Variants in OR2Z1 observed in about 807,000 individuals in gnomAD.
The protein encoded by OR2Z1 is olfactory receptor family 2 subfamily Z member 1.
For synonymous variants in OR2Z1, 188 were observed against 160.6 expected, an observed-to-expected ratio of 1.17 and a Z score of -1.29; for missense variants, 449 against 401.8, an observed-to-expected ratio of 1.12 and a Z score of -1.00.
chr19:8,722,138 A>G (rs2043310201), intron 1 of OR2Z1, 96 bp downstream of exon 1: 1 of 152,082 alleles, frequency 6.6e-6, no homozygotes, highest in African/African-American at 2.4e-5. Flanking sequence ...ACAACTATTT[A>G]CTGAGCAGGC....
chr19:8,731,782 T>A lies in OR2Z1; in HGVS notation c.754T>A (p.Tyr252Asn). The change falls in exon 3 of 3, where the codon TAT (tyrosine) becomes AAT (asparagine). Residue 252 changes from tyrosine to asparagine, a missense_variant. Physicochemically the swap from Tyr to Asn is moderately radical, Grantham distance 143 (BLOSUM62 -2). Coordinates refer to ENST00000641125, the MANE Select transcript of OR2Z1 (RefSeq NM_001004699.3). ...SSHITVVGLF[Y>N]GAAVFMYMVP... ...GCACATCACGGTAGTGGGGCTCTTTTATGGTGCCGCCGTGTTCATGTACAT... is the reference window on the plus strand; with the variant it reads ...GCACATCACGGTAGTGGGGCTCTTTAATGGTGCCGCCGTGTTCATGTACAT... 1.9e-6 allele frequency: 3 copies of A among 1,614,226 alleles called. No individual in the cohort carries two copies. The highest frequency in any genetic ancestry group is 2.5e-6 in the Non-Finnish European group (3 of 1,180,044).
rs2043352094 is a variant in OR2Z1 at position 8,731,199 on chromosome 19, AC to A, written c.174del (p.Met59CysfsTer48). The A allele has an allele frequency of 6.2e-7, 1 of 1,613,986 alleles. No individual in the cohort carries two copies. The highest frequency in any genetic ancestry group is 8.5e-7 in the Non-Finnish European group (1 of 1,179,992). On this transcript the variant is annotated frameshift_variant, in exon 3 of 3. Coordinates refer to ENST00000641125, the MANE Select transcript of OR2Z1 (RefSeq NM_001004699.3). LOFTEE classifies it low-confidence loss of function (END_TRUNC). ...TCCGTGTGGACTCCCGGCTCCACAC[AC>A]CCATGTACTTCCTGCTCAGCCAGCT... ...LIRVDSRLHT[P>X]MYFLLSQLSL...
rs553817526 is a variant in OR2Z1 at position 8,727,588 on chromosome 19, C to T, written c.-169-3272C>T. On this transcript the variant is annotated intron_variant, in intron 2 of 2. Transcript: ENST00000641125. The stretch of plus-strand genomic sequence containing the variant: ...TAAAAAAAAACAACTCAGTTGAGGA[C>T]GGGCACAGTGGCTCACGCCTGTAAT... 1.6e-4 allele frequency among the ~76,000 whole-genome samples: 25 copies of T among 152,268 alleles called. No individual in the cohort carries two copies. In the South Asian group the frequency reaches 2.9e-3, roughly 18 times the overall value.
chr19:8,727,572 AC>A (rs1317097045), intron 2 of OR2Z1, among the ~76,000 whole-genome samples: 15 of 152,188 alleles, frequency 9.9e-5, no homozygotes, highest in South Asian at 4.1e-4. Flanking sequence ...ATAAAAAAAA[AC>A]AACTCAGTTG....
chr19:8,731,404 G>T lies in OR2Z1; in HGVS notation c.376G>T (p.Val126Leu). 1 of 1,614,140 alleles carries T rather than the reference G, an allele frequency of 6.2e-7. No homozygotes were observed. Among genetic ancestry groups the T allele is most frequent in the African/African-American group, 1.3e-5 (1 of 75,012 alleles). Residue 126 changes from valine (V) to leucine (L), a missense_variant, in exon 3 of 3, where the codon GTG (valine) becomes TTG (leucine). Val to Leu is a conservative substitution (Grantham distance 32). Transcript: ENST00000641125. ...VLMSYDRYVAVCQPLQYPVLM... is the reference protein window; with the variant it reads ...VLMSYDRYVALCQPLQYPVLM... ...CATGTCTTATGACCGTTATGTTGCT[G>T]TGTGCCAGCCCCTGCAGTATCCTGT...
rs781985487 is a variant in OR2Z1 at position 8,731,481 on chromosome 19, A to G, written c.453A>G (p.Val151=). Residue 151 remains valine, a synonymous_variant, in exon 3 of 3, where the codon GTA becomes GTG. Transcript: ENST00000641125. ...TGATGATGGGCTCCTCCTGGGTGGT[A>G]GGTGTGCTCAACGCCTCCATCCAGA... ...CLLMMGSSWV[V]GVLNASIQTS... The G allele has an allele frequency of 7.4e-6, 12 of 1,613,960 alleles. No homozygotes were observed. In the Admixed American group the frequency reaches 2.0e-4, roughly 27 times the overall value.
Position 8,731,237 on chromosome 19 carries a change from A to T in OR2Z1, c.209A>T (p.Asp70Val). The T allele has an allele frequency of 6.2e-7, 1 of 1,614,070 alleles. No individual in the cohort carries two copies. The highest frequency in any genetic ancestry group is 8.5e-7 in the Non-Finnish European group (1 of 1,180,008). The stretch of plus-strand genomic sequence containing the variant: ...CTGCTCAGCCAGCTCTCCCTGTTTG[A>T]CATTGGCTGTCCCATGGTCACCATC... ...YFLLSQLSLF[D>V]IGCPMVTIPK... is the part of the protein sequence containing the mutation. The change falls in exon 3 of 3, where the codon GAC becomes GTC. Residue 70 changes from aspartate to valine, a missense_variant. By Grantham distance (152) the Asp-to-Val change is radical. Transcript: ENST00000641125.
rs1599211149 is a variant in OR2Z1, at chr19:8,731,456, T to G, written c.428T>G (p.Leu143Arg). Residue 143 changes from leucine to arginine, a missense_variant, in exon 3 of 3, where the codon CTG (leucine) becomes CGG (arginine). Coordinates refer to ENST00000641125, the MANE Select transcript of OR2Z1 (RefSeq NM_001004699.3). ...PVLMRRQVCL[L>R]MMGSSWVVGV... ...CTTATGAGACGCCAGGTATGTCTGC[T>G]GATGATGGGCTCCTCCTGGGTGGTA... The G allele has an allele frequency of 6.2e-7, 1 of 1,614,118 alleles. No homozygotes were observed. The highest frequency in any genetic ancestry group is 2.2e-5 in the East Asian group (1 of 44,870).
rs782398746 is a variant in OR2Z1 at position 8,731,731 on chromosome 19, C to G, written c.703C>G (p.His235Asp). ...VLSMRSEEAR[H>D]KAVTTCSSHI... is the part of the protein sequence containing the mutation. ...AAGCATGCGCTCAGAGGAGGCCAGA[C>G]ACAAGGCTGTCACCACCTGCTCCTC... The change falls in exon 3 of 3, where the codon CAC becomes GAC. Residue 235 changes from histidine to aspartate, a missense_variant. Physicochemically the swap from His to Asp is moderately conservative, Grantham distance 81 (BLOSUM62 -1). Transcript: ENST00000641125. 8.7e-6 allele frequency: 14 copies of G among 1,614,094 alleles called. No homozygotes were observed. The highest frequency in any genetic ancestry group is 1.2e-5 in the Non-Finnish European group (14 of 1,180,048).
In OR2Z1 at chr19:8,731,130, G is replaced by A; in HGVS notation, c.102G>A (p.Met34Ile). ...RQLLFSLVAV[M>I]FVIGLLGNTV... is the part of the protein sequence containing the mutation. ...TCCTCTTCTCCCTGGTGGCTGTCAT[G>A]TTTGTCATAGGCCTTCTGGGCAACA... Residue 34 changes from methionine (M) to isoleucine (I), a missense_variant, in exon 3 of 3, where the codon ATG (methionine) becomes ATA (isoleucine). Transcript: ENST00000641125. 6.2e-7 allele frequency: 1 copy of A among 1,614,100 alleles called. No homozygotes were observed. The highest frequency in any genetic ancestry group is 8.5e-7 in the Non-Finnish European group (1 of 1,179,990).
intron 2 of OR2Z1, among the ~76,000 whole-genome samples, chr19:8,727,212 G>A (rs1451184271): frequency 6.6e-6 from 1 of 152,140 alleles, no homozygotes; most frequent in Non-Finnish European, 1.5e-5. Context: ...CCAAAGTGCT[G>A]GGATTACAGA....
In OR2Z1 at chr19:8,731,003, T is replaced by G. The variant is rs782703711; in HGVS notation, c.-26T>G. The G allele has an allele frequency of 1.3e-5, 21 of 1,585,354 alleles. No individual in the cohort carries two copies. The highest frequency in any genetic ancestry group is 1.6e-5 in the Non-Finnish European group (19 of 1,156,612). On this transcript the variant is annotated 5_prime_UTR_variant, in exon 3 of 3. Transcript: ENST00000641125. ...CTTGCCATAGTTCAGCTGTTCTTCC[T>G]GCAGCTAAAGTGCATTGTGTAAAAC...
intron 1 of OR2Z1, among the ~76,000 whole-genome samples, chr19:8,722,628 A>T (rs1378642520): frequency 2.0e-5 from 3 of 152,204 alleles, no homozygotes; most frequent in Non-Finnish European, 4.4e-5. Flanking sequence ...AGTCATGGCT[A>T]CTTTTTCCAG....
intron 2 of OR2Z1, among the ~76,000 whole-genome samples, chr19:8,730,270 T>C (rs2043346231): frequency 6.6e-6 from 1 of 152,168 alleles, no homozygotes; most frequent in Non-Finnish European, 1.5e-5. Context: ...CAAGCCCTTC[T>C]CTCTGTTTTC....
At chr19:8,725,036 C>T (rs1272018655) in intron 2 of OR2Z1, among the ~76,000 whole-genome samples, 1 of 152,134 alleles carries the variant, frequency 6.6e-6, no homozygotes. Flanking sequence ...AGCTCCAATG[C>T]CTCCTTCTCT....
chr19:8,731,930 T>G lies in OR2Z1; in HGVS notation c.902T>G (p.Leu301Trp), dbSNP rs1555756889. 1 of 1,614,182 alleles carries G rather than the reference T, an allele frequency of 6.2e-7. No individual in the cohort carries two copies. Among genetic ancestry groups the G allele is most frequent in the Admixed American group, 1.7e-5 (1 of 60,024 alleles). ...AGGAATCCGGAGGTGTGGATGGCTT[T>G]GGTCAAAGTGCTTAGCAGAGCTGGA... ...SLRNPEVWMA[L>W]VKVLSRAGLR... The change falls in exon 3 of 3, where the codon TTG (leucine) becomes TGG (tryptophan). Residue 301 changes from leucine (L) to tryptophan (W), a missense_variant. Physicochemically the swap from Leu to Trp is moderately conservative, Grantham distance 61 (BLOSUM62 -2). Transcript: ENST00000641125.
chr19:8,730,951 A>G lies in OR2Z1; in HGVS notation c.-78A>G. ...CAATGATGATTGGCATGTGAGATGA[A>G]AATTATTTGCCACCCCATGCAGGCT... is the stretch of plus-strand genomic sequence containing the variant. On this transcript the variant is annotated 5_prime_UTR_variant, in exon 3 of 3. Transcript: ENST00000641125. The G allele has an allele frequency of 2.6e-6, 3 of 1,170,782 alleles. No homozygotes were observed. Among genetic ancestry groups the G allele is most frequent in the Non-Finnish European group, 3.7e-6 (3 of 810,634 alleles). 72.5% of individuals were successfully genotyped at this position (1,170,782 alleles called of 1,614,324 possible).
At chr19:8,726,490 C>T (rs139103187) in intron 2 of OR2Z1, among the ~76,000 whole-genome samples, 116 of 152,344 alleles carry the variant, frequency 7.6e-4, no homozygotes, top group African/African-American at 2.7e-3. Flanking sequence ...GCTTCCCTGA[C>T]CACGTCTTGT....
chr19:8,725,776 A>G (rs782523322), intron 2 of OR2Z1, among the ~76,000 whole-genome samples: 46 of 152,338 alleles, frequency 3.0e-4, no homozygotes, highest in Non-Finnish European at 5.7e-4. Context: ...GCTTTAAAGA[A>G]CTATCTGAGA....
Sources: allele counts gnomAD v4.1 joint callset (sites outside exome capture counted in the v4.1 genomes callset), GRCh38; gene constraint gnomAD v4.1.1; transcripts MANE v1.5; gene names NCBI Gene and HGNC (gene_info 2026-07-23, HGNC 2026-07-21).